The following SCN1A variants were observed in gnomAD, a reference collection of about 807,000 sequenced individuals.
SCN1A encodes sodium channel protein type 1 subunit alpha.
Under a neutral mutation model 193.7 loss-of-function variants are expected in SCN1A, and 13 were observed. The ratio of observed to expected loss-of-function variants is 0.07; its 90% CI spans 0.04 to 0.11. The LOEUF (loss-of-function observed/expected upper bound fraction) is 0.11, where lower values mean the gene tolerates loss of function less well. Among genes scored for constraint, SCN1A ranks in the 10% least tolerant of loss-of-function variants. The pLI, the probability that SCN1A is intolerant of heterozygous loss-of-function variation, is 1.00. For missense variants in SCN1A, 1,432 were observed against 2,451.1 expected (o/e 0.58, Z 8.78); for synonymous variants, 781 against 843.6 (o/e 0.93, Z 1.29).
At chr2:166,144,014 T>C (rs1692203401) in intron 1 of SCN1A, among the ~76,000 whole-genome samples, 1 of 152,186 alleles carries the variant, frequency 6.6e-6, no homozygotes, top group African/African-American at 2.4e-5. Context: ...CCCAAAGAGA[T>C]TTTCTCAAGT....
intron 2 of SCN1A, among the ~76,000 whole-genome samples, chr2:166,094,085 T>C (rs1687120429): frequency 6.6e-6 from 1 of 152,176 alleles, no homozygotes; most frequent in Non-Finnish European, 1.5e-5. Flanking sequence ...TTTAACATTA[T>C]TTCAAGTACT....
chr2:166,092,499 T>C (rs1056676636), intron 2 of SCN1A: 1 of 152,232 alleles, frequency 6.6e-6, no homozygotes, highest in Admixed American at 6.5e-5. Flanking sequence ...TCAATTAATT[T>C]AAATGTTAGA....
At chr2:165,993,009 A>G (rs1002129864) in intron 28 of SCN1A, 2 of 152,136 alleles carry the variant, frequency 1.3e-5, no homozygotes, top group African/African-American at 4.8e-5. Flanking sequence ...TTGTATTTCA[A>G]TTCTTTTTGG....
At position 165,988,383 on chromosome 2, in the gene SCN1A, G is replaced by A. The variant is rs1211998175; in HGVS notation, c.*2862C>T. Reference sequence around the variant, plus strand: ...GGCATATAGAAGAATTTCATGAAGGGGACATTTACAAAAGTGTCAGCAATG... The same window carrying A: ...GGCATATAGAAGAATTTCATGAAGGAGACATTTACAAAAGTGTCAGCAATG... On this transcript the variant is annotated 3_prime_UTR_variant, in exon 29 of 29. Transcript: ENST00000674923. 2 of 152,084 alleles carry A rather than the reference G, an allele frequency of 1.3e-5. No individual in the cohort carries two copies. Among genetic ancestry groups the A allele is most frequent in the African/African-American group, 4.8e-5 (2 of 41,388 alleles). The allele number at this position is 152,084 out of a possible 1,614,324, so 9.4% of individuals were successfully genotyped here. A position where few individuals can be genotyped will look rare whatever the true frequency, so the allele number is the denominator to read the frequency against.
intron 7 of SCN1A, 139 bp downstream of exon 7, chr2:166,054,499 G>T: frequency 2.3e-6 from 2 of 884,752 alleles, no homozygotes; most frequent in South Asian, 1.6e-5. Flanking sequence ...CCTTTGTTGT[G>T]CTAAATTGAA....
intron 2 of SCN1A, among the ~76,000 whole-genome samples, chr2:166,108,474 T>A (rs1482371045): frequency 6.6e-6 from 1 of 152,010 alleles, no homozygotes; most frequent in Middle Eastern, 3.2e-3. Context: ...TCAAGGTAAA[T>A]GAAAACATGT....
rs121918810 is a variant in SCN1A at position 165,992,365 on chromosome 2, A to G, written c.4910T>C (p.Val1637Ala). 1 of 1,613,712 alleles carries G rather than the reference A, an allele frequency of 6.2e-7. No homozygotes were observed. The highest frequency in any genetic ancestry group is 8.5e-7 in the Non-Finnish European group (1 of 1,179,806). Residue 1637 changes from valine to alanine, a missense_variant, in exon 29 of 29, where the codon GTG (valine) becomes GCG (alanine). Transcript: ENST00000674923. The surrounding 1 kb of genome is among the most constrained non-coding windows in gnomAD (Gnocchi z 6.5). The stretch of plus-strand genomic sequence containing the variant: ...TCGGCCAATCCTAGCAAGACGGATC[A>G]CTCGGAACAGGGTAGGGGACACGAA... ...KYFVSPTLFR[V>A]IRLARIGRIL...
intron 2 of SCN1A, chr2:166,109,641 A>G (rs558108919): frequency 6.6e-6 from 1 of 152,114 alleles, no homozygotes; most frequent in African/African-American, 2.4e-5. Context: ...CACTATTATT[A>G]TATCTGTTAT....
intron 2 of SCN1A, among the ~76,000 whole-genome samples, chr2:166,111,749 TA>T (rs942464951): frequency 1.2e-4 from 18 of 151,932 alleles, no homozygotes; most frequent in African/African-American, 4.1e-4. Flanking sequence ...TGGGAGGAGG[TA>T]AAAATATCCA....
At chr2:166,010,434 T>C (rs1335360777) in intron 22 of SCN1A, among the ~76,000 whole-genome samples, 7 of 151,244 alleles carry the variant, frequency 4.6e-5, no homozygotes, top group African/African-American at 7.3e-5. Context: ...TTCCTCAAAA[T>C]TTTTTATACT....
chr2:166,026,679 C>CTTTTTTTTTTTTTTT lies in SCN1A; in HGVS notation c.3429+9354_3429+9368dup, dbSNP rs35750460. 6.1e-4 allele frequency among the ~76,000 whole-genome samples: 60 copies of CTTTTTTTTTTTTTTT among 97,680 alleles called. 1 individual carries two copies. The highest frequency in any genetic ancestry group is 9.0e-4 in the African/African-American group (20 of 22,120). 64.1% of individuals were successfully genotyped at this position (97,680 alleles called of 152,430 possible). A position where few individuals can be genotyped will look rare whatever the true frequency, so the allele number is the denominator to read the frequency against. ...ATGGAATATTTCTCTTTCTTTCTTTCTTTTTTTTTTTTTTTTTTTTTTGAG... is the reference window on the plus strand; with the variant it reads ...ATGGAATATTTCTCTTTCTTTCTTTCTTTTTTTTTTTTTTTTTTTTTTTTTTTTTTTTTTTTTGAG... On this transcript the variant is annotated intron_variant, in intron 19 of 28. Transcript: ENST00000674923.
intron 4 of SCN1A, 132 bp downstream of exon 4, chr2:166,073,226 C>A (rs1684643648): frequency 9.1e-7 from 1 of 1,097,858 alleles, no homozygotes; most frequent in Non-Finnish European, 1.3e-6. Flanking sequence ...AAACCACCCA[C>A]AAATGTGTTT....
chr2:166,043,675 A>G lies in SCN1A; in HGVS notation c.2037T>C (p.Asp679=). The part of the protein sequence containing the change: ...PEVIIDKPAT[D]DNGTTTETEM... Reference sequence around the variant, plus strand: ...CTATTTAAAACTTCCTTACATTGTCATCAGTAGCTGGCTTATCTATTATCA... The same window carrying G: ...CTATTTAAAACTTCCTTACATTGTCGTCAGTAGCTGGCTTATCTATTATCA... The change falls in exon 14 of 29, where the codon GAT becomes GAC. Residue 679 remains aspartate (D), a synonymous_variant. Transcript: ENST00000674923. The G allele has an allele frequency of 5.6e-6, 9 of 1,613,920 alleles. No individual in the cohort carries two copies. Among genetic ancestry groups the G allele is most frequent in the Non-Finnish European group, 7.6e-6 (9 of 1,179,854 alleles).
chr2:166,096,598 A>G (rs571689792), intron 2 of SCN1A, among the ~76,000 whole-genome samples: 3 of 152,330 alleles, frequency 2.0e-5, no homozygotes, highest in African/African-American at 7.2e-5. Flanking sequence ...CATGTTTTTT[A>G]TAAGAACATA....
intron 2 of SCN1A, among the ~76,000 whole-genome samples, chr2:166,087,719 A>G (rs187740705): frequency 6.6e-6 from 1 of 152,338 alleles, no homozygotes; most frequent in East Asian, 1.9e-4. Context: ...ATGGACTAAG[A>G]AACATGGTCT....
At chr2:166,092,014 A>C (rs1686862905) in intron 2 of SCN1A, among the ~76,000 whole-genome samples, 2 of 152,288 alleles carry the variant, frequency 1.3e-5, no homozygotes, top group South Asian at 4.1e-4. Context: ...GGAAACTAAA[A>C]CATGTAGCCA....
chr2:166,080,024 T>C (rs1350781149), intron 2 of SCN1A, among the ~76,000 whole-genome samples: 2 of 151,638 alleles, frequency 1.3e-5, no homozygotes, highest in South Asian at 2.1e-4. Flanking sequence ...TCAGATGTCA[T>C]TCAATATTAA....
intron 2 of SCN1A, among the ~76,000 whole-genome samples, chr2:166,102,163 C>T (rs1008687050): frequency 1.4e-4 from 21 of 152,316 alleles, no homozygotes; most frequent in African/African-American, 5.1e-4. Flanking sequence ...ATCAAAACCA[C>T]AATGAGATAC....
chr2:166,036,138 C>T lies in SCN1A; in HGVS notation c.3339G>A (p.Val1113=). 1 of 1,613,958 alleles carries T rather than the reference C, an allele frequency of 6.2e-7. No individual in the cohort carries two copies. Among genetic ancestry groups the T allele is most frequent in the Non-Finnish European group, 8.5e-7 (1 of 1,179,930 alleles). ...ATTCTCCTACAGCAATTGGTACAGT[C>T]ACAGTAAGACTGGGGTTGTTTATGA... The part of the protein sequence containing the change: ...MSFINNPSLT[V]TVPIAVGESD... The change falls in exon 19 of 29, where the codon GTG becomes GTA. Residue 1113 remains valine (V), a synonymous_variant. Transcript: ENST00000674923.
Sources: allele counts gnomAD v4.1 joint callset (sites outside exome capture counted in the v4.1 genomes callset), GRCh38; gene constraint gnomAD v4.1.1; non-coding constraint Gnocchi (gnomAD v3.1); transcripts MANE v1.5; gene names NCBI Gene and HGNC (gene_info 2026-07-23, HGNC 2026-07-21).